NRG1: variants seen among roughly 807,000 people sequenced by gnomAD.
NRG1 encodes the protein neuregulin 1.
Under a neutral mutation model 63.8 loss-of-function variants are expected in NRG1, and 18 were observed. That is an observed-to-expected ratio of 0.28 (90% confidence interval 0.19 to 0.42). The LOEUF (loss-of-function observed/expected upper bound fraction) is 0.42, where lower values mean the gene tolerates loss of function less well. NRG1 is among the 10% of genes least tolerant of loss of function. NRG1 has a pLI of 1.00. For synonymous variants in NRG1, 302 were observed against 301.3 expected, an observed-to-expected ratio of 1.00 and a Z score of -0.02; for missense variants, 762 against 814.7, an observed-to-expected ratio of 0.94 and a Z score of 0.79.
chr8:32,093,664 C>CTGCAT (rs1261813595), intron 1 of NRG1, among the ~76,000 whole-genome samples: 1 of 152,280 alleles, frequency 6.6e-6, no homozygotes, highest in East Asian at 1.9e-4. Flanking sequence ...AGAAGTGTTG[C>CTGCAT]TGCACCATTT....
chr8:32,018,862 T>C (rs1815994675), intron 1 of NRG1, among the ~76,000 whole-genome samples: 2 of 152,246 alleles, frequency 1.3e-5, no homozygotes, highest in South Asian at 2.1e-4. Flanking sequence ...TCACTGACAA[T>C]GTATGAGAGT....
intron 1 of NRG1, among the ~76,000 whole-genome samples, chr8:31,985,947 G>A (rs1417853366): frequency 3.9e-5 from 6 of 152,074 alleles, no homozygotes; most frequent in Admixed American, 3.9e-4. Context: ...CCTTCAGGGG[G>A]AAATGGTTCT....
chr8:32,148,826 A>G (rs1585655974), intron 1 of NRG1, among the ~76,000 whole-genome samples: 1 of 152,326 alleles, frequency 6.6e-6, no homozygotes, highest in South Asian at 2.1e-4. Context: ...TTGCAGTCAT[A>G]GATAAGGAAA....
intron 1 of NRG1, among the ~76,000 whole-genome samples, chr8:32,531,072 T>G (rs1023724193): frequency 6.6e-6 from 1 of 151,394 alleles, no homozygotes; most frequent in African/African-American, 2.4e-5. Flanking sequence ...CACTCCAGCA[T>G]GGGTGGCAGA....
chr8:32,008,578 C>T (rs1814191230), intron 1 of NRG1, among the ~76,000 whole-genome samples: 1 of 151,950 alleles, frequency 6.6e-6, no homozygotes, highest in Admixed American at 6.6e-5. Flanking sequence ...GTGTGTTAGA[C>T]AATTAAGAAG....
chr8:31,670,783 T>C lies in NRG1; in HGVS notation c.37+31352T>C, dbSNP rs1807053890. 1.3e-5 allele frequency among the ~76,000 whole-genome samples: 2 copies of C among 152,144 alleles called. 1 individual carries two copies. The highest frequency in any genetic ancestry group is 4.1e-4 in the South Asian group (2 of 4,826). ...GGCCTTATATTTCTTTTATTTTAAC[T>C]TGGGTTTTTATTTTTTTTCTTTGCA... is the stretch of plus-strand genomic sequence containing the variant. On this transcript the variant is annotated intron_variant, in intron 1 of 10. Transcript: ENST00000519301.
chr8:31,755,009 T>C (rs2131479047), intron 1 of NRG1, among the ~76,000 whole-genome samples: 1 of 152,178 alleles, frequency 6.6e-6, no homozygotes, highest in South Asian at 2.1e-4. Flanking sequence ...CACCTCTAAC[T>C]CTGAACCCAG....
chr8:31,663,703 A>C (rs565889576), intron 1 of NRG1, among the ~76,000 whole-genome samples: 1 of 152,182 alleles, frequency 6.6e-6, no homozygotes, highest in South Asian at 2.1e-4. Context: ...GGTTATGTCC[A>C]GTTAATGGGC....
chr8:32,177,550 C>A (rs918171269), intron 1 of NRG1, among the ~76,000 whole-genome samples: 1 of 151,922 alleles, frequency 6.6e-6, no homozygotes, highest in Non-Finnish European at 1.5e-5. Context: ...CTTTTCCCCC[C>A]ATCCCTTGAC....
intron 1 of NRG1, among the ~76,000 whole-genome samples, chr8:31,953,853 C>T (rs777570007): frequency 2.6e-5 from 4 of 152,076 alleles, no homozygotes; most frequent in East Asian, 1.9e-4. Flanking sequence ...ATGTCGCACA[C>T]GGAAAGAAGG....
At chr8:31,964,579 C>T (rs992062115) in intron 1 of NRG1, among the ~76,000 whole-genome samples, 3 of 152,100 alleles carry the variant, frequency 2.0e-5, no homozygotes, top group African/African-American at 4.8e-5. Context: ...GCAGGAGGAT[C>T]GATTGAGCCT....
rs188331181 is a variant in NRG1 at position 32,059,353 on chromosome 8, C to T, written c.37+419922C>T. Among the ~76,000 whole-genome samples the T allele has an allele frequency of 1.6e-3, 246 of 152,036 alleles. 2 individuals carry two copies. Among genetic ancestry groups the T allele is most frequent in the Non-Finnish European group, 2.1e-4 (14 of 67,934 alleles). ...CACTGGACTTACAACTCCTAGACAT[C>T]GTGCTGCATCGCTAATGTCCTAAGT... On this transcript the variant is annotated intron_variant, in intron 1 of 10. Coordinates refer to the NRG1 transcript ENST00000519301.
At chr8:32,613,248 T>C (rs1398921999) in intron 3 of NRG1, among the ~76,000 whole-genome samples, 1 of 152,022 alleles carries the variant, frequency 6.6e-6, no homozygotes, top group Non-Finnish European at 1.5e-5. Context: ...GAGAGGATCA[T>C]CCACACTTAA....
intron 1 of NRG1, among the ~76,000 whole-genome samples, chr8:32,040,711 C>CATAT (rs67857068): frequency 1.9e-4 from 16 of 85,296 alleles, no homozygotes; most frequent in African/African-American, 6.9e-4. Context: ...GAAATTTAGG[C>CATAT]ATATATATAT....
chr8:32,763,279 C>T, intron 11 of NRG1: 1 of 1,613,712 alleles, frequency 6.2e-7, no homozygotes, highest in East Asian at 2.2e-5. Context: ...CATGCAGATC[C>T]AGCTATCAGC....
chr8:31,747,198 A>G (rs1229812359), intron 1 of NRG1, among the ~76,000 whole-genome samples: 1 of 151,974 alleles, frequency 6.6e-6, no homozygotes, highest in Non-Finnish European at 1.5e-5. Context: ...CCACAGGATA[A>G]ATGCTTGAGG....
chr8:32,571,661 C>T (rs971381470), intron 1 of NRG1, among the ~76,000 whole-genome samples: 3 of 152,086 alleles, frequency 2.0e-5, no homozygotes, highest in African/African-American at 7.2e-5. Context: ...TATTTGCAAA[C>T]ACCTCCATTC....
chr8:32,146,830 G>A (rs1039990359), intron 1 of NRG1, among the ~76,000 whole-genome samples: 1 of 151,936 alleles, frequency 6.6e-6, no homozygotes, highest in South Asian at 2.1e-4. Context: ...GTATTAATTG[G>A]TGTAAGCTCT....
At chr8:32,251,443 T>C (rs555268780) in intron 1 of NRG1, among the ~76,000 whole-genome samples, 38 of 152,282 alleles carry the variant, frequency 2.5e-4, no homozygotes, top group Non-Finnish European at 4.4e-4. Context: ...ACATTTTCTT[T>C]ATCCATTCTA....
Sources: gnomAD v4.1 joint callset for allele counts (sites outside exome capture counted in the v4.1 genomes callset) on GRCh38, gnomAD v4.1.1 for gene constraint, MANE v1.5 for transcripts, NCBI Gene and HGNC (gene_info 2026-07-23, HGNC 2026-07-21) for gene names.